CCNL2: variants seen among roughly 807,000 people sequenced by gnomAD.
CCNL2 encodes cyclin L2, also known as cyclin-L2.
In CCNL2, 28 loss-of-function variants were observed where a neutral mutation model predicts 59.1. The ratio of observed to expected loss-of-function variants is 0.47; its 90% CI spans 0.35 to 0.65. The LOEUF (loss-of-function observed/expected upper bound fraction) is 0.65. Among genes scored for constraint, CCNL2 ranks in the 30% least tolerant of loss-of-function variants. The probability of loss-of-function intolerance (pLI) is 0.00; values close to 1 mark genes in which losing one functional copy is unlikely to be tolerated. For missense variants in CCNL2, 714 were observed against 717.4 expected (o/e 1.00, Z 0.05); for synonymous variants, 342 against 288.6 (o/e 1.19, Z -1.88).
rs780501949 is a variant in CCNL2 at position 1,392,840 on chromosome 1, T to C, written c.659+556A>G. Reference sequence around the variant, plus strand: ...AGAGTACAGAAAAGAAAAGTCAAAATAGGTTCTCTATTAAACATGTCATAG... The same window carrying C: ...AGAGTACAGAAAAGAAAAGTCAAAACAGGTTCTCTATTAAACATGTCATAG... On this transcript the variant is annotated intron_variant, in intron 5 of 10. Coordinates refer to ENST00000400809, the MANE Select transcript of CCNL2 (RefSeq NM_030937.6). 3.7e-6 allele frequency: 6 copies of C among 1,604,100 alleles called. No homozygotes were observed. The South Asian group carries it at 5.5e-5, about 15-fold the overall frequency.
rs185005113 is a variant in CCNL2 at position 1,396,493 on chromosome 1, C to A, written c.474-979G>T. ...GTTGGTCAGGCTGGTCTCGAACTCC[C>A]GACCTCAGATGATCCACCCGCCTTG... On this transcript the variant is annotated intron_variant, in intron 3 of 10. Coordinates refer to ENST00000400809, the MANE Select transcript of CCNL2 (RefSeq NM_030937.6). 2.6e-5 allele frequency among the ~76,000 whole-genome samples: 4 copies of A among 150,996 alleles called. No individual in the cohort carries two copies. In the East Asian group the frequency reaches 8.0e-4, roughly 30 times the overall value.
At chr1:1,389,966 G>A (rs568013309) in intron 8 of CCNL2, among the ~76,000 whole-genome samples, 1 of 151,988 alleles carries the variant, frequency 6.6e-6, no homozygotes, top group South Asian at 2.1e-4. Flanking sequence ...CAAACAAAAA[G>A]AATTAGCCAA....
chr1:1,397,866 GA>G (rs1645129540), intron 3 of CCNL2, among the ~76,000 whole-genome samples: 1 of 151,800 alleles, frequency 6.6e-6, no homozygotes, highest in East Asian at 1.9e-4. Flanking sequence ...GTCTCAGGAG[GA>G]AAAAAAAGAT....
intron 5 of CCNL2, chr1:1,392,900 T>C: frequency 8.0e-7 from 1 of 1,250,798 alleles, no homozygotes. Flanking sequence ...ATATGACCCT[T>C]ACAGACTTAA....
In CCNL2 at chr1:1,390,381, C is replaced by A; in HGVS notation, c.865-10G>T. ...GGTGTGTGAGATCAACCTGCAAAAG[C>A]CAGAAGGTGTCCGTTCAGAACCAGG... is the stretch of plus-strand genomic sequence containing the variant. On this transcript the variant is annotated splice_polypyrimidine_tract_variant and intron_variant, in intron 7 of 10. Coordinates refer to ENST00000400809, the MANE Select transcript of CCNL2 (RefSeq NM_030937.6). 2 of 1,612,130 alleles carry A rather than the reference C, an allele frequency of 1.2e-6. No individual in the cohort carries two copies. The highest frequency in any genetic ancestry group is 1.7e-6 in the Non-Finnish European group (2 of 1,178,380).
intron 5 of CCNL2, chr1:1,391,365 T>C (rs911317990): frequency 1.1e-5 from 13 of 1,170,644 alleles, no homozygotes; most frequent in Non-Finnish European, 1.3e-5. Flanking sequence ...TGGGTTCCTC[T>C]TCCTCTTCCT....
At chr1:1,398,560 T>C (rs766079857) in intron 2 of CCNL2, 37 bp downstream of exon 2, 9 of 1,602,932 alleles carry the variant, frequency 5.6e-6, no homozygotes, top group Non-Finnish European at 7.7e-6. Context: ...ACCCTCAACA[T>C]ACTTCGCTGG....
rs1424485505 is a variant in CCNL2, at chr1:1,399,271, C to T, written c.36G>A (p.Gly12=). ...AAAAAAAGAA[G]SAAPAAAAGA... is the part of the protein sequence containing the mutation. The stretch of plus-strand genomic sequence containing the variant: ...CGGCCGCTGCCGCGGGAGCTGCCGA[C>T]CCTGCAGCACCAGCCGCCGCCGCCG... The change falls in exon 1 of 11, where the codon GGG becomes GGA. Residue 12 remains glycine, a synonymous_variant. Coordinates refer to ENST00000400809, the MANE Select transcript of CCNL2 (RefSeq NM_030937.6). The T allele has an allele frequency of 4.6e-6, 7 of 1,518,718 alleles. No individual in the cohort carries two copies. The highest frequency in any genetic ancestry group is 1.5e-5 in the African/African-American group (1 of 68,442). 94.1% of individuals were successfully genotyped at this position (1,518,718 alleles called of 1,614,324 possible). A position where few individuals can be genotyped will look rare whatever the true frequency, so the allele number is the denominator to read the frequency against.
chr1:1,387,774 C>T lies in CCNL2; in HGVS notation c.1211+3G>A. On this transcript the variant is annotated splice_donor_region_variant and intron_variant, in intron 10 of 10. Transcript: ENST00000400809. ...CCTCCTGGGTGCGCCCTGAGGCACA[C>T]ACCTCCTCTTAGGAGACGCTGATCG... 1 of 1,610,188 alleles carries T rather than the reference C, an allele frequency of 6.2e-7. No individual in the cohort carries two copies. Among genetic ancestry groups the T allele is most frequent in the Non-Finnish European group, 8.5e-7 (1 of 1,178,210 alleles).
chr1:1,395,541 C>A, intron 3 of CCNL2, 27 bp from the exon 4 acceptor site: 1 of 1,613,074 alleles, frequency 6.2e-7, no homozygotes, highest in Non-Finnish European at 8.5e-7. Context: ...ACAGGGTCTG[C>A]ACCACAGTCA....
rs775235841 is a variant in CCNL2, at chr1:1,387,392, G to A, written c.1402C>T (p.Arg468Cys). 32 of 1,614,054 alleles carry A rather than the reference G, an allele frequency of 2.0e-5. No homozygotes were observed. Among genetic ancestry groups the A allele is most frequent in the African/African-American group, 2.7e-5 (2 of 74,934 alleles). ...CGCTCCCGTGACCTGCTTCGAGAAC[G>A]GGAAGAACTCCGGCTCCGAGACTTG... is the stretch of plus-strand genomic sequence containing the variant. Reference protein sequence around the residue: ...PHKSRSRSSSRSRSRSRERAD... With the variant: ...PHKSRSRSSSCSRSRSRERAD... The change falls in exon 11 of 11, where the codon CGT becomes TGT. Residue 468 changes from arginine to cysteine, a missense_variant. Transcript: ENST00000400809.
At position 1,399,266 on chromosome 1, in the gene CCNL2, G is replaced by C. The variant is rs1461014965; in HGVS notation, c.41C>G (p.Ala14Gly). 6.4e-7 allele frequency: 1 copy of C among 1,568,632 alleles called. No homozygotes were observed. Among genetic ancestry groups the C allele is most frequent in the Non-Finnish European group, 8.6e-7 (1 of 1,161,462 alleles). ...AAAAAGAAGSAAPAAAAGAPG... is the reference protein window; with the variant it reads ...AAAAAGAAGSGAPAAAAGAPG... Reference sequence around the variant, plus strand: ...GGCGCCGGCCGCTGCCGCGGGAGCTGCCGACCCTGCAGCACCAGCCGCCGC... The same window carrying C: ...GGCGCCGGCCGCTGCCGCGGGAGCTCCCGACCCTGCAGCACCAGCCGCCGC... Residue 14 changes from alanine (A) to glycine (G), a missense_variant, in exon 1 of 11, where the codon GCA (alanine) becomes GGA (glycine). Around this residue, in one of 5 missense-constraint regions of CCNL2, gnomAD observed 270 missense variants for 254.9 expected, o/e 1.06. Coordinates refer to ENST00000400809, the MANE Select transcript of CCNL2 (RefSeq NM_030937.6).
chr1:1,396,025 A>C (rs1435143787), intron 3 of CCNL2, among the ~76,000 whole-genome samples: 3 of 151,678 alleles, frequency 2.0e-5, no homozygotes, highest in Non-Finnish European at 2.9e-5. Context: ...AAAAAAATGC[A>C]AAAATTAGCC....
intron 5 of CCNL2, chr1:1,392,159 T>C (rs1012487418): frequency 3.2e-6 from 1 of 315,966 alleles, no homozygotes; most frequent in African/African-American, 2.3e-5. Flanking sequence ...AGCGTGCCAG[T>C]GCACAGCTCT....
chr1:1,387,710 GA>G, intron 10 of CCNL2, 66 bp downstream of exon 10: 1 of 1,470,448 alleles, frequency 6.8e-7, no homozygotes. Context: ...CTCAGGGTGA[GA>G]ATGATTACCC....
At chr1:1,397,692 T>C (rs1645117471) in intron 3 of CCNL2, among the ~76,000 whole-genome samples, 1 of 152,056 alleles carries the variant, frequency 6.6e-6, no homozygotes, top group Non-Finnish European at 1.5e-5. Flanking sequence ...CATGACCCCA[T>C]CTTTACCAAA....
At chr1:1,395,928 A>G (rs984973484) in intron 3 of CCNL2, among the ~76,000 whole-genome samples, 11 of 152,102 alleles carry the variant, frequency 7.2e-5, no homozygotes, top group African/African-American at 2.7e-4. Flanking sequence ...CTGTAATCCC[A>G]GCACTTTGGG....
chr1:1,391,091 G>GAA (rs879413706), intron 5 of CCNL2: 507 of 907,534 alleles, frequency 5.6e-4, no homozygotes, highest in Middle Eastern at 8.3e-4. Flanking sequence ...GAAATTATTA[G>GAA]AAAAAAAAAA....
chr1:1,392,961 T>A, intron 5 of CCNL2: 1 of 747,892 alleles, frequency 1.3e-6, no homozygotes, highest in Non-Finnish European at 2.2e-6. Context: ...AAATACTACA[T>A]TGCACTTTAG....
Sources: gnomAD v4.1 joint callset for allele counts (sites outside exome capture counted in the v4.1 genomes callset) on GRCh38, gnomAD v4.1.1 for gene constraint, gnomAD v4.1.1 regional missense constraint, MANE v1.5 for transcripts, NCBI Gene and HGNC (gene_info 2026-07-23, HGNC 2026-07-21) for gene names.